MAEL: variants seen among roughly 807,000 people sequenced by gnomAD.
MAEL encodes maelstrom spermatogenic transposon silencer, also known as protein maelstrom homolog.
MAEL carries 46 observed loss-of-function variants against 62.0 expected under a neutral mutation model. The observed-to-expected ratio is 0.74, with a 90% CI of 0.59 to 0.95. MAEL has a LOEUF of 0.95. MAEL is among the 40% of genes least tolerant of loss of function. The pLI, the probability that MAEL is intolerant of heterozygous loss-of-function variation, is 0.00. For synonymous variants in MAEL, 172 were observed against 175.5 expected (o/e 0.98, Z 0.16); for missense variants, 497 against 526.8 (o/e 0.94, Z 0.55).
upstream of MAEL, among the ~76,000 whole-genome samples, chr1:166,986,552 A>G (rs1571236559): frequency 6.6e-6 from 1 of 152,232 alleles, no homozygotes; most frequent in African/African-American, 2.4e-5. Context: ...GTTTTAAAAC[A>G]AGTACACTAA....
chr1:166,992,544 C>T (rs1427578854), intron 3 of MAEL, 142 bp from the exon 4 acceptor site: 2 of 559,896 alleles, frequency 3.6e-6, no homozygotes, highest in Non-Finnish European at 6.0e-6. Flanking sequence ...GATTGGTTTT[C>T]TCTTTTCCAG....
chr1:167,020,151 A>G (rs1189206931), intron 10 of MAEL, among the ~76,000 whole-genome samples: 2 of 151,996 alleles, frequency 1.3e-5, no homozygotes, highest in Non-Finnish European at 2.9e-5. Context: ...TCATTGCACA[A>G]CTCCAGGACA....
chr1:167,007,065 T>TCA (rs1664945352), intron 8 of MAEL, among the ~76,000 whole-genome samples: 1 of 152,114 alleles, frequency 6.6e-6, no homozygotes, highest in Admixed American at 6.6e-5. Context: ...ATTATTACTA[T>TCA]CATTGTGAAA....
intron 1 of MAEL, among the ~76,000 whole-genome samples, chr1:166,982,448 C>G (rs1159387845): frequency 6.6e-6 from 1 of 152,062 alleles, no homozygotes. Flanking sequence ...GAGTGTTTAG[C>G]AGAAAGCTGG....
chr1:167,007,557 TTGTGTGTGTGTGTGTG>T lies in MAEL; in HGVS notation c.845+2186_845+2201del, dbSNP rs71073634. On this transcript the variant is annotated intron_variant, in intron 8 of 11. Transcript: ENST00000367872. ...TAGTAGAGAGCTAGGAAATATATGTTTGTGTGTGTGTGTGTGTGTGTGTGTGTGTGTGTGTGTGTGT... is the reference window on the plus strand; with the variant it reads ...TAGTAGAGAGCTAGGAAATATATGTTTGTGTGTGTGTGTGTGTGTGTGTGT... Among the ~76,000 whole-genome samples the T allele has an allele frequency of 7.8e-5, 10 of 128,476 alleles. 1 individual carries two copies. Among genetic ancestry groups the T allele is most frequent in the Middle Eastern group, 3.8e-3 (1 of 260 alleles). 84.3% of individuals were successfully genotyped at this position (128,476 alleles called of 152,430 possible).
chr1:167,006,610 T>C lies in MAEL; in HGVS notation c.845+1213T>C, dbSNP rs1206428246. 9.3e-3 allele frequency among the ~76,000 whole-genome samples: 649 copies of C among 69,536 alleles called. 21 individuals carry two copies. The highest frequency in any genetic ancestry group is 0.059 in the African/African-American group (621 of 10,496). The allele number at this position is 69,536 out of a possible 152,430, so 45.6% of individuals were successfully genotyped here. On this transcript the variant is annotated intron_variant, in intron 8 of 11. Coordinates refer to ENST00000367872, the MANE Select transcript of MAEL (RefSeq NM_032858.3). ...AGTTACTGGTTTTTTACTATATATA[T>C]ATATATATATATATATATATATATA... is the stretch of plus-strand genomic sequence containing the variant.
chr1:167,012,876 G>C (rs938401756), intron 8 of MAEL, among the ~76,000 whole-genome samples: 37 of 145,338 alleles, frequency 2.5e-4, no homozygotes, highest in East Asian at 2.0e-3. Context: ...GAATGCACAA[G>C]ATGAGGTTGA....
At position 167,006,601 on chromosome 1, in the gene MAEL, C is replaced by CCATATATATATA. The variant is rs1295162731; in HGVS notation, c.845+1204_845+1205insCATATATATATA. 2.4e-3 allele frequency among the ~76,000 whole-genome samples: 236 copies of CCATATATATATA among 98,022 alleles called. 8 individuals carry two copies. The highest frequency in any genetic ancestry group is 4.2e-3 in the African/African-American group (122 of 28,796). The allele number at this position is 98,022 out of a possible 152,430, so 64.3% of individuals were successfully genotyped here. A position where few individuals can be genotyped will look rare whatever the true frequency, so the allele number is the denominator to read the frequency against. Reference sequence around the variant, plus strand: ...CTATTGGAAAGTTACTGGTTTTTTACTATATATATATATATATATATATAT... The same window carrying CCATATATATATA: ...CTATTGGAAAGTTACTGGTTTTTTACCATATATATATATATATATATATATATATATATATAT... On this transcript the variant is annotated intron_variant, in intron 8 of 11. Coordinates refer to ENST00000367872, the MANE Select transcript of MAEL (RefSeq NM_032858.3).
rs1187592119 is a variant in MAEL, at chr1:167,016,064, CAT to C, written c.846-157_846-156del. 4.5e-6 allele frequency: 3 copies of C among 672,482 alleles called. No individual in the cohort carries two copies. In the East Asian group the frequency reaches 8.2e-5, roughly 18 times the overall value. The allele number at this position is 672,482 out of a possible 1,614,324, so 41.7% of individuals were successfully genotyped here. A position where few individuals can be genotyped will look rare whatever the true frequency, so the allele number is the denominator to read the frequency against. On this transcript the variant is annotated intron_variant, in intron 8 of 11. Transcript: ENST00000367872. ...CATGAATTTGTATCAGAGAATGTAG[CAT>C]TAAAATCTGTTTTTTAAAAATCTTT...
intron 10 of MAEL, among the ~76,000 whole-genome samples, chr1:167,020,645 C>T (rs1185141221): frequency 6.6e-6 from 1 of 152,088 alleles, no homozygotes; most frequent in African/African-American, 2.4e-5. Flanking sequence ...CTACATATTC[C>T]TACCACTCAT....
At chr1:167,003,155 CA>C (rs1396752909) in intron 5 of MAEL, among the ~76,000 whole-genome samples, 1 of 152,248 alleles carries the variant, frequency 6.6e-6, no homozygotes, top group East Asian at 1.9e-4. Context: ...GTGGTATGAT[CA>C]TAATTCACTG....
intron 8 of MAEL, among the ~76,000 whole-genome samples, chr1:167,010,097 C>T (rs997634019): frequency 1.3e-5 from 2 of 152,116 alleles, no homozygotes; most frequent in East Asian, 1.9e-4. Context: ...TGGATCATGG[C>T]GGTTCCCCCA....
chr1:167,021,186 T>C, intron 11 of MAEL, 26 bp downstream of exon 11: 1 of 1,526,902 alleles, frequency 6.5e-7, no homozygotes, highest in South Asian at 1.1e-5. Flanking sequence ...TTTACAAAAA[T>C]GCACCTAAAG....
chr1:167,020,219 A>C (rs145899034), intron 10 of MAEL, among the ~76,000 whole-genome samples: 22 of 151,030 alleles, frequency 1.5e-4, no homozygotes, highest in Non-Finnish European at 2.8e-4. Flanking sequence ...CTTTGTCTCT[A>C]CTCTTCACCT....
intron 8 of MAEL, among the ~76,000 whole-genome samples, chr1:167,007,557 TTGTGTGTGTGTGTGTGTG>T (rs71073634): frequency 7.8e-6 from 1 of 128,410 alleles, no homozygotes; most frequent in Non-Finnish European, 1.6e-5. Flanking sequence ...AAATATATGT[TTGTGTGTGTGTGTGTGTG>T]TGTGTGTGTG....
chr1:167,007,557 T>TTGTG (rs71073634), intron 8 of MAEL, among the ~76,000 whole-genome samples: 2,028 of 128,434 alleles, frequency 0.016, 23 homozygotes, highest in Non-Finnish European at 0.022. Context: ...AAATATATGT[T>TTGTG]TGTGTGTGTG....
chr1:166,987,107 C>G (rs1475733023), upstream of MAEL, among the ~76,000 whole-genome samples: 1 of 152,050 alleles, frequency 6.6e-6, no homozygotes, highest in African/African-American at 2.4e-5. Flanking sequence ...CAAATATATA[C>G]TACTAATAGC....
At chr1:166,994,489 C>T (rs192942708) in intron 5 of MAEL, among the ~76,000 whole-genome samples, 89 of 152,200 alleles carry the variant, frequency 5.8e-4, no homozygotes, top group African/African-American at 2.0e-3. Context: ...AAGTATTTTG[C>T]AACCAAAGGG....
At chr1:166,996,392 A>G (rs554845129) in intron 5 of MAEL, among the ~76,000 whole-genome samples, 2 of 152,322 alleles carry the variant, frequency 1.3e-5, no homozygotes, top group South Asian at 2.1e-4. Context: ...GCTTCTCTCC[A>G]ATTTACTGGT....
Sources: allele counts gnomAD v4.1 joint callset (sites outside exome capture counted in the v4.1 genomes callset), GRCh38; gene constraint gnomAD v4.1.1; transcripts MANE v1.5; gene names NCBI Gene and HGNC (gene_info 2026-07-23, HGNC 2026-07-21).